FAM13A: variants seen among roughly 807,000 people sequenced by gnomAD.
FAM13A encodes the protein family with sequence similarity 13 member A.
A neutral mutation model predicts 129.6 loss-of-function variants in FAM13A; 76 were observed. That is an observed-to-expected ratio of 0.59 (90% CI 0.49 to 0.71). The LOEUF (loss-of-function observed/expected upper bound fraction) is 0.71. FAM13A is among the 30% of genes least tolerant of loss of function. FAM13A has a pLI of 0.00. For missense variants in FAM13A, 1,108 were observed against 1,249.3 expected (o/e 0.89, Z 1.70); for synonymous variants, 443 against 449.9 (o/e 0.98, Z 0.20).
intron 4 of FAM13A, among the ~76,000 whole-genome samples, chr4:88,942,287 CT>C (rs1272931503): frequency 6.6e-6 from 1 of 152,070 alleles, no homozygotes; most frequent in Non-Finnish European, 1.5e-5. Flanking sequence ...GTCAAAGAGG[CT>C]GGGTATGGTG....
chr4:88,981,983 G>C (rs1761710730), intron 4 of FAM13A, among the ~76,000 whole-genome samples: 1 of 152,218 alleles, frequency 6.6e-6, no homozygotes, highest in South Asian at 2.1e-4. Flanking sequence ...GAAACTCTGA[G>C]CAGGTGGCTT....
intron 11 of FAM13A, among the ~76,000 whole-genome samples, chr4:88,769,450 A>C (rs575817752): frequency 3.9e-4 from 60 of 152,314 alleles, no homozygotes; most frequent in African/African-American, 1.4e-3. Flanking sequence ...ACCCTACTTG[A>C]GCCTTAATTT....
At position 88,733,210 on chromosome 4, in the gene FAM13A, C is replaced by T. The variant is rs117831632; in HGVS notation, c.2647-1012G>A. On this transcript the variant is annotated intron_variant, in intron 21 of 23. Transcript: ENST00000264344. ...GCAAAGTACAAGTGTGCAAATGGTT[C>T]ATGGTAAATTTTGATATGTTTAATA... is the stretch of plus-strand genomic sequence containing the variant. Among the ~76,000 whole-genome samples, 71 of 152,288 alleles carry T rather than the reference C, an allele frequency of 4.7e-4. No individual in the cohort carries two copies. In the East Asian group the frequency reaches 0.011, roughly 23 times the overall value.
At chr4:88,976,707 AC>A (rs1760957686) in intron 4 of FAM13A, among the ~76,000 whole-genome samples, 2 of 150,240 alleles carry the variant, frequency 1.3e-5, no homozygotes, top group Non-Finnish European at 3.0e-5. Flanking sequence ...CTTAATATTT[AC>A]TCACCACTCA....
intron 4 of FAM13A, among the ~76,000 whole-genome samples, chr4:88,957,074 C>T (rs918059180): frequency 2.0e-5 from 3 of 152,048 alleles, no homozygotes; most frequent in Admixed American, 6.6e-5. Context: ...GCCTGTAATC[C>T]CAGAACTTTG....
chr4:88,952,973 C>A (rs971770621), intron 4 of FAM13A, among the ~76,000 whole-genome samples: 3 of 151,492 alleles, frequency 2.0e-5, no homozygotes. Context: ...TAAATAGTAG[C>A]AAACTTGACT....
At chr4:88,914,418 C>A (rs1438079266) in intron 5 of FAM13A, among the ~76,000 whole-genome samples, 1 of 152,136 alleles carries the variant, frequency 6.6e-6, no homozygotes, top group African/African-American at 2.4e-5. Flanking sequence ...CATAGCATTT[C>A]CCCTCTCCTC....
chr4:88,736,899 T>C (rs1300601310), intron 21 of FAM13A, among the ~76,000 whole-genome samples: 1 of 152,196 alleles, frequency 6.6e-6, no homozygotes, highest in African/African-American at 2.4e-5. Context: ...TCCTGGGGAC[T>C]AAATGTGCTA....
chr4:88,863,159 G>C (rs1739788055), intron 6 of FAM13A, among the ~76,000 whole-genome samples: 1 of 152,098 alleles, frequency 6.6e-6, no homozygotes, highest in Non-Finnish European at 1.5e-5. Flanking sequence ...GGCTGCCAGA[G>C]GAACTAACTG....
rs71594864 is a variant in FAM13A, at chr4:88,791,217, TC to T, written c.1050-591del. On this transcript the variant is annotated intron_variant, in intron 8 of 23. Transcript: ENST00000264344. ...TCTCAGGATGGAAAGCATCTCAAGC[TC>T]TGTAATGTGTCAGCTTAACATCTAA... 0.026 allele frequency among the ~76,000 whole-genome samples: 3,936 copies of T among 152,286 alleles called. 256 individuals are homozygous for T. The East Asian group carries it at 0.29, about 11-fold the overall frequency.
Position 88,792,105 on chromosome 4 carries a change from C to A in FAM13A, c.1050-1478G>T, listed in dbSNP as rs145350588. Among the ~76,000 whole-genome samples the A allele has an allele frequency of 2.4e-3, 359 of 152,110 alleles. 3 individuals are homozygous for A. The highest frequency in any genetic ancestry group is 8.1e-3 in the African/African-American group (336 of 41,518). On this transcript the variant is annotated intron_variant, in intron 8 of 23. Transcript: ENST00000264344. ...AGATAAGTAAATAAATACAAACACC[C>A]TAAGACTTACTGAGTACTTACTATG...
intron 5 of FAM13A, among the ~76,000 whole-genome samples, chr4:88,907,695 C>T (rs1464625100): frequency 6.6e-6 from 1 of 152,172 alleles, no homozygotes; most frequent in Non-Finnish European, 1.5e-5. Context: ...AGTAAACTTG[C>T]CCAAGGTCAC....
At chr4:88,731,520 A>T (rs1365187973) in intron 22 of FAM13A, 92 bp from the exon 23 acceptor site, 6 of 690,718 alleles carry the variant, frequency 8.7e-6, no homozygotes, top group Non-Finnish European at 1.5e-5. Context: ...CTGTGCAGAA[A>T]GGGGAGGCAA....
chr4:88,991,371 G>A (rs920092132), intron 3 of FAM13A, among the ~76,000 whole-genome samples: 2 of 152,126 alleles, frequency 1.3e-5, no homozygotes, highest in Non-Finnish European at 2.9e-5. Flanking sequence ...CCGGGAGGCG[G>A]AGCTCGCAGT....
intron 7 of FAM13A, among the ~76,000 whole-genome samples, chr4:88,847,455 TG>T (rs577698939): frequency 1.4e-4 from 21 of 152,186 alleles, no homozygotes; most frequent in Non-Finnish European, 3.1e-4. Context: ...TTGTTTTAAC[TG>T]GGGATAATAT....
At chr4:89,009,209 T>G in intron 3 of FAM13A, 1 of 152,250 alleles carries the variant, frequency 6.6e-6, no homozygotes, top group East Asian at 1.9e-4. Flanking sequence ...TTAAATTACT[T>G]GAACCTTAAG....
intron 7 of FAM13A, among the ~76,000 whole-genome samples, chr4:88,844,524 G>A (rs979232154): frequency 6.6e-6 from 1 of 152,172 alleles, no homozygotes; most frequent in African/African-American, 2.4e-5. Context: ...ATTATAATTT[G>A]TAAAGCAAAT....
intron 4 of FAM13A, among the ~76,000 whole-genome samples, chr4:88,964,705 G>C (rs1449084089): frequency 1.4e-5 from 2 of 147,126 alleles, no homozygotes; most frequent in African/African-American, 5.1e-5. Flanking sequence ...TTGGCTCACT[G>C]CAACGTCCAC....
chr4:88,953,367 A>C (rs977111503), intron 4 of FAM13A, among the ~76,000 whole-genome samples: 1 of 152,130 alleles, frequency 6.6e-6, no homozygotes, highest in Non-Finnish European at 1.5e-5. Flanking sequence ...AGGGAGGAGA[A>C]TCACTTGAAC....
Sources: allele counts gnomAD v4.1 joint callset (sites outside exome capture counted in the v4.1 genomes callset), GRCh38; gene constraint gnomAD v4.1.1; transcripts MANE v1.5; gene names NCBI Gene and HGNC (gene_info 2026-07-23, HGNC 2026-07-21).